The following NMT1 variants were observed in gnomAD, a reference collection of about 807,000 sequenced individuals.
NMT1 encodes the protein N-myristoyltransferase 1, also known as glycylpeptide N-tetradecanoyltransferase 1.
NMT1 carries 12 observed loss-of-function variants against 63.4 expected under a neutral mutation model. That is an observed-to-expected ratio of 0.19 (90% CI 0.12 to 0.31). The LOEUF is 0.31. NMT1 is among the 10% of genes least tolerant of loss of function. NMT1 has a pLI of 1.00. For missense variants in NMT1, 432 were observed against 634.6 expected, an observed-to-expected ratio of 0.68 and a Z score of 3.43; for synonymous variants, 228 against 234.3, an observed-to-expected ratio of 0.97 and a Z score of 0.25.
chr17:45,065,829 T>C (rs1271382572), intron 1 of NMT1, among the ~76,000 whole-genome samples: 1 of 151,708 alleles, frequency 6.6e-6, no homozygotes, highest in Non-Finnish European at 1.5e-5. Flanking sequence ...AAATGTGTAA[T>C]ATATAATAAA....
At chr17:45,093,451 A>C (rs1408584775) in intron 3 of NMT1, among the ~76,000 whole-genome samples, 2 of 152,268 alleles carry the variant, frequency 1.3e-5, no homozygotes, top group African/African-American at 4.8e-5. Context: ...TGGATTTCCA[A>C]AACACGAACC....
chr17:45,077,046 C>A (rs2053982505), intron 1 of NMT1, among the ~76,000 whole-genome samples: 1 of 152,112 alleles, frequency 6.6e-6, no homozygotes, highest in Non-Finnish European at 1.5e-5. Flanking sequence ...AGAACAAAGG[C>A]AGGAAGGTAG....
chr17:45,092,303 GTC>G (rs1426242735), intron 3 of NMT1, among the ~76,000 whole-genome samples: 1 of 152,188 alleles, frequency 6.6e-6, no homozygotes, highest in Non-Finnish European at 1.5e-5. Context: ...TCAGTAATGT[GTC>G]TGATGGAAGA....
rs144545088 is a variant in NMT1, at chr17:45,108,289, G to C, written c.*2650G>C. The C allele has an allele frequency of 6.6e-6, 1 of 152,374 alleles. No homozygotes were observed. Among genetic ancestry groups the C allele is most frequent in the East Asian group, 1.9e-4 (1 of 5,172 alleles). 9.4% of individuals were successfully genotyped at this position (152,374 alleles called of 1,614,324 possible). A position where few individuals can be genotyped will look rare whatever the true frequency, so the allele number is the denominator to read the frequency against. On this transcript the variant is annotated 3_prime_UTR_variant, in exon 12 of 12. Coordinates refer to ENST00000258960, the MANE Select transcript of NMT1 (RefSeq NM_021079.5). Reference sequence around the variant, plus strand: ...GGACTCCAGTCTGTGTGTAGGGAGAGAGCTGAGTAGGAGGCCTCCACTCCG... The same window carrying C: ...GGACTCCAGTCTGTGTGTAGGGAGACAGCTGAGTAGGAGGCCTCCACTCCG...
intron 4 of NMT1, among the ~76,000 whole-genome samples, chr17:45,094,014 G>T (rs1033162948): frequency 6.6e-6 from 1 of 152,200 alleles, no homozygotes; most frequent in Non-Finnish European, 1.5e-5. Context: ...AACCTCTGTA[G>T]GTCCCCGATG....
chr17:45,096,333 C>T (rs753161071), intron 5 of NMT1, 48 bp downstream of exon 5: 3 of 1,437,390 alleles, frequency 2.1e-6, no homozygotes, highest in Non-Finnish European at 2.9e-6. Flanking sequence ...AGGCATAGAG[C>T]AGATCCACCA....
At chr17:45,066,344 C>G (rs2053902508) in intron 1 of NMT1, among the ~76,000 whole-genome samples, 1 of 152,148 alleles carries the variant, frequency 6.6e-6, no homozygotes, top group East Asian at 1.9e-4. Context: ...TGTGAGCCAC[C>G]ACGCCCGGCC....
At chr17:45,102,534 A>T (rs2054173874) in intron 8 of NMT1, among the ~76,000 whole-genome samples, 1 of 152,240 alleles carries the variant, frequency 6.6e-6, no homozygotes, top group Non-Finnish European at 1.5e-5. Context: ...GAGAAAGAGC[A>T]GTGAGTGTGG....
chr17:45,102,847 C>CCGG (rs2054176504), intron 8 of NMT1, 104 bp from the exon 9 acceptor site: 1 of 1,119,930 alleles, frequency 8.9e-7, no homozygotes, highest in East Asian at 2.6e-5. Flanking sequence ...CAGGGAGCCG[C>CCGG]CGAATGACCA....
At chr17:45,073,727 T>TG (rs1043698571) in intron 1 of NMT1, among the ~76,000 whole-genome samples, 2 of 152,186 alleles carry the variant, frequency 1.3e-5, no homozygotes, top group African/African-American at 4.8e-5. Flanking sequence ...CCATAGCCTT[T>TG]GGGGGGAAAT....
chr17:45,061,668 C>T (rs1017447347), intron 1 of NMT1: 2 of 522,482 alleles, frequency 3.8e-6, no homozygotes, highest in Non-Finnish European at 6.8e-6. Flanking sequence ...ACGTTCAGTA[C>T]TTTTATTATA....
rs2054192091 is a variant in NMT1, at chr17:45,104,783, A to G, written c.1333-76A>G. 6.3e-7 allele frequency: 1 copy of G among 1,588,214 alleles called. No individual in the cohort carries two copies. The highest frequency in any genetic ancestry group is 8.6e-7 in the Non-Finnish European group (1 of 1,163,484). On this transcript the variant is annotated intron_variant, in intron 10 of 11. Transcript: ENST00000258960. The surrounding 1 kb of genome is among the most constrained non-coding windows in gnomAD (Gnocchi z 4.2). ...TGGCTGCCCACAGGACAGCTTTGAA[A>G]TGGCAGCAAAGGGGTAGGAAGGAGG...
rs1021274457 is a variant in NMT1 at position 45,108,762 on chromosome 17, G to A, written c.*3123G>A. 1.3e-5 allele frequency: 2 copies of A among 152,206 alleles called. No homozygotes were observed. Among genetic ancestry groups the A allele is most frequent in the East Asian group, 1.9e-4 (1 of 5,198 alleles). 9.4% of individuals were successfully genotyped at this position (152,206 alleles called of 1,614,324 possible). A position where few individuals can be genotyped will look rare whatever the true frequency, so the allele number is the denominator to read the frequency against. On this transcript the variant is annotated 3_prime_UTR_variant, in exon 12 of 12. Transcript: ENST00000258960. ...TTTTACTCTGCTGCAAAATGAAGGC[G>A]GGCCTGCAAGCCGACTACACCTACG...
chr17:45,083,054 C>T (rs1230608810), intron 2 of NMT1, among the ~76,000 whole-genome samples: 2 of 144,876 alleles, frequency 1.4e-5, no homozygotes, highest in Admixed American at 6.9e-5. Context: ...TGGTGGCTCA[C>T]GCTTGTAATC....
chr17:45,072,029 A>G (rs1264868092), intron 1 of NMT1, among the ~76,000 whole-genome samples: 3 of 152,204 alleles, frequency 2.0e-5, no homozygotes, highest in Non-Finnish European at 4.4e-5. Context: ...AAGCAGGTGG[A>G]TAGCTTGAGT....
At position 45,107,942 on chromosome 17, in the gene NMT1, G is replaced by A. The variant is rs2054213196; in HGVS notation, c.*2303G>A. On this transcript the variant is annotated 3_prime_UTR_variant, in exon 12 of 12. Coordinates refer to ENST00000258960, the MANE Select transcript of NMT1 (RefSeq NM_021079.5). ...CCCAGGTGTGCAGGGTTTGGCTTGT[G>A]GGCTGCTTGCTGCTCATCTGATTTT... 1 of 152,310 alleles carries A rather than the reference G, an allele frequency of 6.6e-6. No individual in the cohort carries two copies. The highest frequency in any genetic ancestry group is 2.4e-5 in the African/African-American group (1 of 41,460). The allele number at this position is 152,310 out of a possible 1,614,324, so 9.4% of individuals were successfully genotyped here. A position where few individuals can be genotyped will look rare whatever the true frequency, so the allele number is the denominator to read the frequency against.
intron 4 of NMT1, 109 bp from the exon 5 acceptor site, chr17:45,096,085 G>A (rs1277819540): frequency 1.9e-5 from 15 of 806,748 alleles, no homozygotes; most frequent in Non-Finnish European, 2.8e-5. Flanking sequence ...ACTCCACGTC[G>A]TTTTTGGTAG....
chr17:45,102,092 G>A (rs934369054), intron 8 of NMT1, among the ~76,000 whole-genome samples: 2 of 152,202 alleles, frequency 1.3e-5, no homozygotes, highest in African/African-American at 4.8e-5. Context: ...GTCATTGAGC[G>A]TTCCCCTAAA....
At position 45,103,066 on chromosome 17, in the gene NMT1, A is replaced by T; in HGVS notation, c.1109A>T (p.Glu370Val). 6.2e-7 allele frequency: 1 copy of T among 1,613,888 alleles called. No individual in the cohort carries two copies. The highest frequency in any genetic ancestry group is 8.5e-7 in the Non-Finnish European group (1 of 1,179,854). The change falls in exon 9 of 12, where the codon GAG becomes GTG. Residue 370 changes from glutamate (E) to valine (V), a missense_variant. By Grantham distance (121) the Glu-to-Val change is moderately radical (BLOSUM62 -2). Around this residue, in one of 4 missense-constraint regions of NMT1, gnomAD observed 295 missense variants for 489.7 expected, o/e 0.60. Coordinates refer to ENST00000258960, the MANE Select transcript of NMT1 (RefSeq NM_021079.5). This position sits in a 1 kb window ranked among gnomAD's most constrained non-coding sequence, Gnocchi z 4.8. ...FHLTPVMSQE[E>V]VEHWFYPQEN... ...CTTACGCCCGTCATGAGCCAGGAGGAGGTGGAGCACTGGTTCTACCCCCAG... is the reference window on the plus strand; with the variant it reads ...CTTACGCCCGTCATGAGCCAGGAGGTGGTGGAGCACTGGTTCTACCCCCAG...
Sources: allele counts gnomAD v4.1 joint callset (sites outside exome capture counted in the v4.1 genomes callset), GRCh38; gene constraint gnomAD v4.1.1; regional missense constraint gnomAD v4.1.1; non-coding constraint Gnocchi (gnomAD v3.1); transcripts MANE v1.5; gene names NCBI Gene and HGNC (gene_info 2026-07-23, HGNC 2026-07-21).